Variants in PCDH19 observed in about 807,000 individuals in gnomAD.
The protein encoded by PCDH19 is protocadherin-19.
Under a neutral mutation model 46.2 loss-of-function variants are expected in PCDH19, and 6 were observed. The ratio of observed to expected loss-of-function variants is 0.13; its 90% CI spans 0.07 to 0.26. PCDH19 has a LOEUF of 0.26. PCDH19 is among the 10% of genes least tolerant of loss of function. PCDH19 has a pLI of 1.00. For synonymous variants in PCDH19, 481 were observed against 415.7 expected (o/e 1.16, Z -1.91); for missense variants, 740 against 972.3 (o/e 0.76, Z 3.18).
chrX:100,301,644 C>G (rs1924785466), intron 5 of PCDH19, among the ~76,000 whole-genome samples: 1 of 111,242 alleles, frequency 9.0e-6, no homozygotes, highest in African/African-American at 3.3e-5. Flanking sequence ...CAATCTGTAA[C>G]CAAAGCAGGG....
intron 3 of PCDH19, among the ~76,000 whole-genome samples, chrX:100,382,080 T>TAAA (rs1156468997): frequency 9.7e-6 from 1 of 102,746 alleles, no homozygotes. Flanking sequence ...TCCAGTAATT[T>TAAA]AAAAAAAAAA....
chrX:100,393,711 C>G (rs1927936435), intron 3 of PCDH19, among the ~76,000 whole-genome samples: 1 of 111,888 alleles, frequency 8.9e-6, no homozygotes, highest in South Asian at 3.7e-4. Flanking sequence ...ACCGCCAAGG[C>G]CAGTGCTGGT....
intron 4 of PCDH19, 80 bp downstream of exon 4, chrX:100,350,566 G>A (rs1021531321): frequency 8.8e-6 from 6 of 682,050 alleles, no homozygotes; most frequent in African/African-American, 4.3e-5. Flanking sequence ...AAAAAAATAC[G>A]TTTTAAAAAT....
intron 3 of PCDH19, among the ~76,000 whole-genome samples, chrX:100,396,472 G>A (rs1017521463): frequency 9.0e-6 from 1 of 111,389 alleles, no homozygotes; most frequent in African/African-American, 3.3e-5. Flanking sequence ...CAAAGCCTTA[G>A]AGCCCTCTGT....
At chrX:100,322,230 G>T (rs1224203158) in intron 5 of PCDH19, among the ~76,000 whole-genome samples, 5 of 111,455 alleles carry the variant, frequency 4.5e-5, no homozygotes, top group Non-Finnish European at 9.4e-5. Context: ...GATCTATTTT[G>T]AGTTGATTTT....
At chrX:100,392,386 T>C (rs929269674) in intron 3 of PCDH19, among the ~76,000 whole-genome samples, 1 of 112,113 alleles carries the variant, frequency 8.9e-6, no homozygotes, top group Non-Finnish European at 1.9e-5. Context: ...AAAATTGGTG[T>C]TTCATATGTA....
chrX:100,317,244 T>C (rs1925337554), intron 5 of PCDH19, among the ~76,000 whole-genome samples: 2 of 111,970 alleles, frequency 1.8e-5, no homozygotes, highest in African/African-American at 3.2e-5. Context: ...CATTAGACGA[T>C]ACTTAAGTTC....
chrX:100,333,112 G>GGGAAGGAA (rs778212504), intron 5 of PCDH19, among the ~76,000 whole-genome samples: 26 of 34,916 alleles, frequency 7.4e-4, no homozygotes, highest in African/African-American at 2.4e-3. Flanking sequence ...GAAGGAGGGA[G>GGGAAGGAA]GGAAGGAAGG....
rs781289362 is a variant in PCDH19, at chrX:100,406,543, C to T, written c.2055G>A (p.Leu685=). ...VNLSLIFIIA[L]GSIAGILFVT... is the part of the protein sequence containing the mutation. The stretch of plus-strand genomic sequence containing the variant: ...CAAAGAGGATGCCCGCAATGGAGCC[C>T]AGGGCAATAATGAAAATCAAGGACA... Residue 685 remains leucine (L), a synonymous_variant, in exon 1 of 6, where the codon CTG becomes CTA. Transcript: ENST00000373034. The T allele has an allele frequency of 3.3e-6, 4 of 1,207,090 alleles. No homozygotes were observed. The highest frequency in any genetic ancestry group is 1.1e-6 in the Non-Finnish European group (1 of 893,448).
intron 3 of PCDH19, among the ~76,000 whole-genome samples, chrX:100,390,192 G>A (rs2147523124): frequency 9.0e-6 from 1 of 111,489 alleles, no homozygotes; most frequent in African/African-American, 3.3e-5. Context: ...TACAGGCCTG[G>A]TCAGTGAAGG....
intron 3 of PCDH19, among the ~76,000 whole-genome samples, chrX:100,359,811 ATG>A (rs1328985698): frequency 7.9e-5 from 5 of 63,070 alleles, no homozygotes; most frequent in Non-Finnish European, 1.5e-4. Context: ...GTGTGTGTGT[ATG>A]TGTGTGTGTG....
intron 3 of PCDH19, among the ~76,000 whole-genome samples, chrX:100,401,823 C>T (rs1928193185): frequency 1.8e-5 from 2 of 110,564 alleles, no homozygotes; most frequent in Admixed American, 9.6e-5. Flanking sequence ...TCTGGAATTC[C>T]AGGCTCAACC....
chrX:100,304,167 T>C (rs1200430382), intron 5 of PCDH19, among the ~76,000 whole-genome samples: 3 of 111,787 alleles, frequency 2.7e-5, no homozygotes, highest in African/African-American at 9.7e-5. Flanking sequence ...CAGAGTCCAC[T>C]TCACTCTCCT....
intron 5 of PCDH19, among the ~76,000 whole-genome samples, chrX:100,322,993 G>T (rs1361634670): frequency 9.4e-6 from 1 of 106,927 alleles, no homozygotes; most frequent in African/African-American, 3.5e-5. Flanking sequence ...TGAATTGAAA[G>T]AAAACGTTCT....
At position 100,352,738 on chromosome X, in the gene PCDH19, AACC is replaced by A. The variant is rs763311073; in HGVS notation, c.2617-2037_2617-2035del. Among the ~76,000 whole-genome samples the A allele has an allele frequency of 9.2e-4, 103 of 111,377 alleles. 1 individual carries two copies. Among genetic ancestry groups the A allele is most frequent in the Admixed American group, 3.1e-3 (32 of 10,452 alleles). Reference sequence around the variant, plus strand: ...CCATGTGATGTGCCTACTCCCCCTTAACCTTCCACCATGATTGTAAGTTTCCTT... The same window carrying A: ...CCATGTGATGTGCCTACTCCCCCTTATTCCACCATGATTGTAAGTTTCCTT... On this transcript the variant is annotated intron_variant, in intron 3 of 5. Coordinates refer to ENST00000373034, the MANE Select transcript of PCDH19 (RefSeq NM_001184880.2).
At chrX:100,344,267 G>A (rs1926334615) in intron 4 of PCDH19, among the ~76,000 whole-genome samples, 2 of 111,907 alleles carry the variant, frequency 1.8e-5, no homozygotes, top group South Asian at 3.7e-4. Context: ...CCAGGATGCC[G>A]TTCTTTAAAA....
intron 5 of PCDH19, among the ~76,000 whole-genome samples, chrX:100,340,642 G>C (rs1455033732): frequency 1.8e-5 from 2 of 111,818 alleles, no homozygotes; most frequent in Non-Finnish European, 3.8e-5. Flanking sequence ...GAAGACAGCA[G>C]TGCACAATTC....
At chrX:100,376,218 A>G (rs1927374367) in intron 3 of PCDH19, among the ~76,000 whole-genome samples, 1 of 102,163 alleles carries the variant, frequency 9.8e-6, no homozygotes, top group African/African-American at 3.6e-5. Flanking sequence ...CTGGGCAACA[A>G]GAGTGAAACT....
At position 100,408,709 on chromosome X, in the gene PCDH19, C is replaced by A; in HGVS notation, c.-112G>T. The A allele has an allele frequency of 3.0e-6, 2 of 655,757 alleles. No individual in the cohort carries two copies. The highest frequency in any genetic ancestry group is 4.5e-6 in the Non-Finnish European group (2 of 446,728). The allele number at this position is 655,757 out of a possible 1,213,427, so 54.0% of individuals were successfully genotyped here. A position where few individuals can be genotyped will look rare whatever the true frequency, so the allele number is the denominator to read the frequency against. On this transcript the variant is annotated 5_prime_UTR_variant, in exon 1 of 6. Transcript: ENST00000373034. ...CCGCCTGTTGCGCGCGCCCCGTGGCCCCGGAGGCCGCGGGAGAAGTCCCGC... is the reference window on the plus strand; with the variant it reads ...CCGCCTGTTGCGCGCGCCCCGTGGCACCGGAGGCCGCGGGAGAAGTCCCGC...
Sources: gnomAD v4.1 joint callset for allele counts (sites outside exome capture counted in the v4.1 genomes callset) on GRCh38, gnomAD v4.1.1 for gene constraint, MANE v1.5 for transcripts, NCBI Gene and HGNC (gene_info 2026-07-23, HGNC 2026-07-21) for gene names.